The following COL8A2 variants were observed in gnomAD, a reference collection of about 807,000 sequenced individuals.
COL8A2 encodes the protein collagen alpha-2(VIII) chain.
A neutral mutation model predicts 24.0 loss-of-function variants in COL8A2; 16 were observed. The ratio of observed to expected loss-of-function variants is 0.67; its 90% CI spans 0.45 to 1.01. The LOEUF (loss-of-function observed/expected upper bound fraction) is 1.01. COL8A2 is among the 50% of genes least tolerant of loss of function. COL8A2 has a pLI of 0.00. For missense variants in COL8A2, 818 were observed against 942.4 expected (o/e 0.87, Z 1.73); for synonymous variants, 466 against 424.5 (o/e 1.10, Z -1.20).
At chr1:36,117,168 CCAG>C (rs1643883534) in intron 1 of COL8A2, among the ~76,000 whole-genome samples, 1 of 152,242 alleles carries the variant, frequency 6.6e-6, no homozygotes, top group Non-Finnish European at 1.5e-5. Flanking sequence ...GATGCTGGAG[CCAG>C]CAGCAACTAG....
At chr1:36,107,378 T>C (rs868031860) in intron 2 of COL8A2, among the ~76,000 whole-genome samples, 8 of 150,448 alleles carry the variant, frequency 5.3e-5, no homozygotes, top group Non-Finnish European at 4.4e-5. Flanking sequence ...CACTCCAGCC[T>C]GGGTGGCAGA....
intron 1 of COL8A2, among the ~76,000 whole-genome samples, chr1:36,120,261 C>G (rs548450231): frequency 2.0e-5 from 3 of 152,246 alleles, no homozygotes; most frequent in Admixed American, 2.0e-4. Context: ...CAAGAACAGC[C>G]TGACCAACAT....
chr1:36,110,584 A>C (rs1643826677), intron 2 of COL8A2, among the ~76,000 whole-genome samples: 2 of 151,918 alleles, frequency 1.3e-5, no homozygotes, highest in Admixed American at 6.6e-5. Flanking sequence ...CCACCTCCTG[A>C]GTGTAAGCAT....
chr1:36,120,824 A>T (rs568169574), intron 1 of COL8A2, among the ~76,000 whole-genome samples: 2 of 150,726 alleles, frequency 1.3e-5, no homozygotes, highest in African/African-American at 4.9e-5. Flanking sequence ...CATGGTGGCT[A>T]ACACCTATAA....
Position 36,120,407 on chromosome 1 carries a change from T to C in COL8A2, c.-62+4650A>G, listed in dbSNP as rs143055479. ...GGTGGAGGTTGCAGTGAGCCAAGAT[T>C]GCACCACTGCACTCCAGCCTGGGTG... On this transcript the variant is annotated intron_variant, in intron 1 of 3. Coordinates refer to ENST00000397799, the MANE Select transcript of COL8A2 (RefSeq NM_005202.4). 7.3e-3 allele frequency among the ~76,000 whole-genome samples: 1,106 copies of C among 151,118 alleles called. 16 individuals are homozygous for C. Among genetic ancestry groups the C allele is most frequent in the African/African-American group, 0.026 (1,060 of 41,046 alleles).
At chr1:36,099,618 T>C in intron 3 of COL8A2, 131 bp from the exon 4 acceptor site, 1 of 742,634 alleles carries the variant, frequency 1.3e-6, no homozygotes, top group Non-Finnish European at 2.3e-6. Context: ...CCTGCTCTCA[T>C]GGAAGATGGG....
At chr1:36,103,104 T>G (rs1643703126) in intron 2 of COL8A2, among the ~76,000 whole-genome samples, 1 of 151,928 alleles carries the variant, frequency 6.6e-6, no homozygotes, top group Non-Finnish European at 1.5e-5. Flanking sequence ...CACCTCATCC[T>G]CCCAAGTAGC....
intron 1 of COL8A2, among the ~76,000 whole-genome samples, chr1:36,120,757 A>AAG (rs1553179230): frequency 6.7e-6 from 1 of 149,954 alleles, no homozygotes; most frequent in East Asian, 2.0e-4. Flanking sequence ...CAAAAAAAAA[A>AAG]AAAAAAATAG....
rs766329676 is a variant in COL8A2 at position 36,098,889 on chromosome 1, C to A, written c.792G>T (p.Gly264=). Residue 264 remains glycine (G), a synonymous_variant, in exon 4 of 4, where the codon GGG becomes GGT. Coordinates refer to ENST00000397799, the MANE Select transcript of COL8A2 (RefSeq NM_005202.4). ...SGPPGVPGPR[G]EPGAVGPKGP... ...CTTTTGGGCCCACAGCTCCTGGCTC[C>A]CCCCTGGGGCCTGGAACTCCAGGAG... The A allele has an allele frequency of 6.2e-7, 1 of 1,612,386 alleles. No homozygotes were observed. Among genetic ancestry groups the A allele is most frequent in the South Asian group, 1.1e-5 (1 of 91,056 alleles).
chr1:36,105,789 A>C (rs1643750372), intron 2 of COL8A2, among the ~76,000 whole-genome samples: 1 of 151,962 alleles, frequency 6.6e-6, no homozygotes, highest in African/African-American at 2.4e-5. Context: ...TCTACCAAAA[A>C]AATTAAAAAG....
intron 2 of COL8A2, among the ~76,000 whole-genome samples, chr1:36,108,302 T>C (rs1643789986): frequency 6.6e-6 from 1 of 152,154 alleles, no homozygotes; most frequent in Admixed American, 6.5e-5. Context: ...GCTCTCCCCA[T>C]GGGGAACAGT....
At position 36,098,363 on chromosome 1, in the gene COL8A2, C is replaced by T; in HGVS notation, c.1318G>A (p.Val440Met). 6 of 1,552,514 alleles carry T rather than the reference C, an allele frequency of 3.9e-6. No homozygotes were observed. The highest frequency in any genetic ancestry group is 4.4e-6 in the Non-Finnish European group (5 of 1,148,408). The stretch of plus-strand genomic sequence containing the variant: ...CCTTTCTGCCCCAGGGCTCCTGCCA[C>T]CCCTGGTCCTCCAGGGCGACCCGTG... The part of the protein sequence containing the change: ...GFTGRPGGPG[V>M]AGALGQKGDL... The change falls in exon 4 of 4, where the codon GTG becomes ATG. Residue 440 changes from valine (V) to methionine (M), a missense_variant. By Grantham distance (21) the Val-to-Met change is conservative. This residue lies in a region of COL8A2 where 573 missense variants were observed against 616.8 expected (regional missense o/e 0.93). Transcript: ENST00000397799.
At chr1:36,107,969 C>T (rs574143613) in intron 2 of COL8A2, among the ~76,000 whole-genome samples, 10 of 152,312 alleles carry the variant, frequency 6.6e-5, no homozygotes, top group Non-Finnish European at 1.3e-4. Context: ...CCGTAGCTCT[C>T]CACCTCTTTC....
chr1:36,120,513 G>A (rs746752749), intron 1 of COL8A2, among the ~76,000 whole-genome samples: 19 of 151,866 alleles, frequency 1.3e-4, no homozygotes, highest in Non-Finnish European at 2.4e-4. Context: ...ACTTTGGGAG[G>A]CCGAGGCGGG....
In COL8A2 at chr1:36,099,182, A is replaced by G; in HGVS notation, c.499T>C (p.Ser167Pro). ...PPGPPGLPGP[S>P]GITIPGKPGA... ...GGTTTTCCAGGGATAGTAATGCCTG[A>G]GGGGCCCGGGAGGCCAGGGGGTCCT... Residue 167 changes from serine to proline, a missense_variant, in exon 4 of 4, where the codon TCA (serine) becomes CCA (proline). Ser to Pro is a moderately conservative substitution (Grantham distance 74). Transcript: ENST00000397799. 6.6e-7 allele frequency: 1 copy of G among 1,505,798 alleles called. No homozygotes were observed. Among genetic ancestry groups the G allele is most frequent in the Admixed American group, 2.3e-5 (1 of 43,142 alleles). 93.3% of individuals were successfully genotyped at this position (1,505,798 alleles called of 1,614,324 possible).
rs1643622278 is a variant in COL8A2, at chr1:36,098,843, C to G, written c.838G>C (p.Val280Leu). 1.9e-6 allele frequency: 3 copies of G among 1,612,240 alleles called. No individual in the cohort carries two copies. Among genetic ancestry groups the G allele is most frequent in the Admixed American group, 1.7e-5 (1 of 59,988 alleles). The change falls in exon 4 of 4, where the codon GTG becomes CTG. Residue 280 changes from valine (V) to leucine (L), a missense_variant. Val to Leu is a conservative substitution (Grantham distance 32, BLOSUM62 1). Transcript: ENST00000397799. Reference protein sequence around the residue: ...GPKGPPGVDGVGVPGAAGLPG... With the variant: ...GPKGPPGVDGLGVPGAAGLPG... ...AACCCTGCTGCCCCTGGGACTCCCA[C>G]ACCGTCTACTCCAGGAGGTCCTTTT... is the stretch of plus-strand genomic sequence containing the variant.
At position 36,097,156 on chromosome 1, in the gene COL8A2, C is replaced by T. The variant is rs528535063; in HGVS notation, c.*413G>A. The stretch of plus-strand genomic sequence containing the variant: ...GGTCCCAGGGGGAGCTGGAGGAGCC[C>T]CAGCCAAGGGCTGTGAGGGAGGCCG... On this transcript the variant is annotated 3_prime_UTR_variant, in exon 4 of 4. Coordinates refer to ENST00000397799, the MANE Select transcript of COL8A2 (RefSeq NM_005202.4). The T allele has an allele frequency of 5.0e-6, 1 of 200,312 alleles. No individual in the cohort carries two copies. Among genetic ancestry groups the T allele is most frequent in the East Asian group, 1.1e-4 (1 of 8,756 alleles). The allele number at this position is 200,312 out of a possible 1,614,324, so 12.4% of individuals were successfully genotyped here.
In COL8A2 at chr1:36,098,833, G is replaced by A; in HGVS notation, c.848C>T (p.Pro283Leu). 2.5e-6 allele frequency: 4 copies of A among 1,612,354 alleles called. No individual in the cohort carries two copies. The highest frequency in any genetic ancestry group is 2.5e-6 in the Non-Finnish European group (3 of 1,179,736). Residue 283 changes from proline to leucine, a missense_variant, in exon 4 of 4, where the codon CCA (proline) becomes CTA (leucine). Coordinates refer to ENST00000397799, the MANE Select transcript of COL8A2 (RefSeq NM_005202.4). ...GPPGVDGVGV[P>L]GAAGLPGPQG... The stretch of plus-strand genomic sequence containing the variant: ...TGGTCCTGGCAACCCTGCTGCCCCT[G>A]GGACTCCCACACCGTCTACTCCAGG...
chr1:36,102,036 T>C (rs1179157401), intron 2 of COL8A2, among the ~76,000 whole-genome samples: 1 of 148,170 alleles, frequency 6.7e-6, no homozygotes, highest in Non-Finnish European at 1.5e-5. Flanking sequence ...AACAAAAAAT[T>C]AGCTGGGTGT....
Sources: allele counts gnomAD v4.1 joint callset (sites outside exome capture counted in the v4.1 genomes callset), GRCh38; gene constraint gnomAD v4.1.1; regional missense constraint gnomAD v4.1.1; transcripts MANE v1.5; gene names NCBI Gene and HGNC (gene_info 2026-07-23, HGNC 2026-07-21).